SNX1: variants seen among roughly 807,000 people sequenced by gnomAD.
The protein encoded by SNX1 is sorting nexin-1.
In SNX1, 36 loss-of-function variants were observed where a neutral mutation model predicts 71.8. The observed-to-expected ratio is 0.50, with a 90% CI of 0.38 to 0.66. The LOEUF is 0.66. Among genes scored for constraint, SNX1 ranks in the 30% least tolerant of loss-of-function variants. The pLI is 0.00. For synonymous variants in SNX1, 254 were observed against 240.7 expected, an observed-to-expected ratio of 1.06 and a Z score of -0.51; for missense variants, 612 against 646.7, an observed-to-expected ratio of 0.95 and a Z score of 0.58.
At chr15:64,109,888 A>C (rs79662457) in intron 1 of SNX1, among the ~76,000 whole-genome samples, 3,136 of 152,270 alleles carry the variant, frequency 0.021, 108 homozygotes, top group African/African-American at 0.072. Flanking sequence ...GCACTCTTAC[A>C]CACTTCTGGG....
chr15:64,116,778 C>G (rs1472017344), intron 2 of SNX1, among the ~76,000 whole-genome samples: 1 of 152,166 alleles, frequency 6.6e-6, no homozygotes, highest in African/African-American at 2.4e-5. Context: ...GTTGAAAGTG[C>G]ATTCTTTTTA....
At chr15:64,117,630 T>A (rs2081144019) in intron 2 of SNX1, among the ~76,000 whole-genome samples, 1 of 152,258 alleles carries the variant, frequency 6.6e-6, no homozygotes, top group African/African-American at 2.4e-5. Flanking sequence ...AAGATTAAAA[T>A]TGACAGACTA....
At chr15:64,113,198 A>T (rs773851510) in intron 2 of SNX1, among the ~76,000 whole-genome samples, 1 of 152,226 alleles carries the variant, frequency 6.6e-6, no homozygotes, top group Non-Finnish European at 1.5e-5. Flanking sequence ...TGATTTCACA[A>T]TCCACCAACA....
intron 1 of SNX1, 54 bp downstream of exon 1, chr15:64,096,226 G>A: frequency 1.3e-6 from 2 of 1,522,644 alleles, no homozygotes; most frequent in Non-Finnish European, 1.8e-6. Context: ...AAAGGGAAGA[G>A]AGGCTAAGCG....
intron 11 of SNX1, among the ~76,000 whole-genome samples, chr15:64,133,509 C>T (rs2081327847): frequency 6.6e-6 from 1 of 152,218 alleles, no homozygotes; most frequent in Non-Finnish European, 1.5e-5. Flanking sequence ...GCAGATGGAT[C>T]ACCTGAGGTC....
intron 1 of SNX1, among the ~76,000 whole-genome samples, chr15:64,099,518 G>C (rs1008583691): frequency 2.0e-5 from 3 of 152,264 alleles, no homozygotes; most frequent in Admixed American, 2.0e-4. Flanking sequence ...CTGGCATGGT[G>C]GCATAAGCCT....
At chr15:64,124,277 C>A in intron 5 of SNX1, among the ~76,000 whole-genome samples, 1 of 150,084 alleles carries the variant, frequency 6.7e-6, no homozygotes. Context: ...GAGGCTGAGA[C>A]GGGCAGATCA....
intron 1 of SNX1, among the ~76,000 whole-genome samples, chr15:64,109,954 C>G (rs911136591): frequency 3.3e-5 from 5 of 152,192 alleles, no homozygotes; most frequent in African/African-American, 9.7e-5. Context: ...TTTGATACCA[C>G]AATTCTACTT....
Position 64,136,946 on chromosome 15 carries a change from G to A in SNX1, c.1518+14G>A. ...TCACAGCAGCAGGTATGTAAGTTGT[G>A]TGTGACCTTCATCCTCTACTGCCTG... On this transcript the variant is annotated intron_variant, in intron 14 of 14. Transcript: ENST00000559844. The A allele has an allele frequency of 1.2e-6, 2 of 1,610,764 alleles. No homozygotes were observed. The highest frequency in any genetic ancestry group is 1.7e-6 in the Non-Finnish European group (2 of 1,177,254).
intron 2 of SNX1, among the ~76,000 whole-genome samples, chr15:64,117,318 G>A (rs1705490367): frequency 6.6e-6 from 1 of 151,968 alleles, no homozygotes; most frequent in Non-Finnish European, 1.5e-5. Flanking sequence ...GCAGTGGCGC[G>A]ATCTCGGCTC....
intron 4 of SNX1, 61 bp downstream of exon 4, chr15:64,118,915 T>A: frequency 7.7e-7 from 1 of 1,295,838 alleles, no homozygotes; most frequent in Non-Finnish European, 1.1e-6. Flanking sequence ...CATAGGTAGC[T>A]AATTTCAGGA....
chr15:64,136,491 G>A (rs2081361582), intron 13 of SNX1, 81 bp downstream of exon 13: 2 of 1,247,574 alleles, frequency 1.6e-6, no homozygotes, highest in Non-Finnish European at 2.4e-6. Context: ...ACTCTGTTGG[G>A]TAAAGAGAGA....
chr15:64,097,564 C>T (rs1567313688), intron 1 of SNX1, among the ~76,000 whole-genome samples: 1 of 152,164 alleles, frequency 6.6e-6, no homozygotes, highest in African/African-American at 2.4e-5. Context: ...AGACCCTATT[C>T]TCCTGCCTCA....
At chr15:64,130,120 CTT>C in intron 9 of SNX1, 91 bp downstream of exon 9, 1 of 1,473,390 alleles carries the variant, frequency 6.8e-7, no homozygotes, top group East Asian at 2.3e-5. Context: ...AGATTAGAAA[CTT>C]TTTTATAAGA....
intron 4 of SNX1, among the ~76,000 whole-genome samples, chr15:64,119,610 C>T (rs1044364841): frequency 6.6e-6 from 1 of 151,828 alleles, no homozygotes; most frequent in Non-Finnish European, 1.5e-5. Context: ...TATAATCGCA[C>T]CTACTCAGGA....
rs1363399528 is a variant in SNX1, at chr15:64,138,261, A to G, written c.*643A>G. 10 of 1,410,688 alleles carry G rather than the reference A, an allele frequency of 7.1e-6. No homozygotes were observed. The highest frequency in any genetic ancestry group is 9.3e-6 in the Non-Finnish European group (10 of 1,074,720). The allele number at this position is 1,410,688 out of a possible 1,614,324, so 87.4% of individuals were successfully genotyped here. On this transcript the variant is annotated 3_prime_UTR_variant, in exon 15 of 15. Transcript: ENST00000559844. ...AGGAGTTTTAAAAACATCTCTTAAA[A>G]TAAGAGGAGCAAAATCTATTAAAAC... is the stretch of plus-strand genomic sequence containing the variant.
At chr15:64,098,009 T>A (rs2080921069) in intron 1 of SNX1, among the ~76,000 whole-genome samples, 1 of 152,338 alleles carries the variant, frequency 6.6e-6, no homozygotes, top group East Asian at 1.9e-4. Flanking sequence ...ATAATAAGTC[T>A]TTGTGACTGT....
At chr15:64,104,455 A>G (rs1007496679) in intron 1 of SNX1, among the ~76,000 whole-genome samples, 1 of 151,920 alleles carries the variant, frequency 6.6e-6, no homozygotes, top group Non-Finnish European at 1.5e-5. Context: ...TTGTATTTCT[A>G]GTAGAGACAG....
Position 64,130,224 on chromosome 15 carries a change from T to A in SNX1, c.922-4T>A. ...CATTAAAGTTCTGGGCTTTTGTGTT[T>A]CAGTGGTTTGAGGAGAAGCTCCAGG... is the stretch of plus-strand genomic sequence containing the variant. On this transcript the variant is annotated splice_polypyrimidine_tract_variant and splice_region_variant and intron_variant, in intron 9 of 14. Transcript: ENST00000559844. The A allele has an allele frequency of 6.2e-7, 1 of 1,613,736 alleles. No individual in the cohort carries two copies. The highest frequency in any genetic ancestry group is 1.1e-5 in the South Asian group (1 of 91,068).
Sources: gnomAD v4.1 joint callset for allele counts (sites outside exome capture counted in the v4.1 genomes callset) on GRCh38, gnomAD v4.1.1 for gene constraint, MANE v1.5 for transcripts, NCBI Gene and HGNC (gene_info 2026-07-23, HGNC 2026-07-21) for gene names.